CSMD1: variants seen among roughly 807,000 people sequenced by gnomAD.
CSMD1 encodes CUB and sushi domain-containing protein 1.
Under a neutral mutation model 417.5 loss-of-function variants are expected in CSMD1, and 213 were observed. The observed-to-expected ratio is 0.51, with a 90% CI of 0.46 to 0.57. CSMD1 has a LOEUF of 0.57. Among genes scored for constraint, CSMD1 ranks in the 20% least tolerant of loss-of-function variants. CSMD1 has a pLI of 0.00. For synonymous variants in CSMD1, 2,862 were observed against 1,736.8 expected (o/e 1.65, Z -16.11); for missense variants, 6,923 against 4,529.7 (o/e 1.53, Z -15.17).
intron 2 of CSMD1, among the ~76,000 whole-genome samples, chr8:4,474,697 G>C (rs1318201038): frequency 6.6e-6 from 1 of 152,074 alleles, no homozygotes; most frequent in African/African-American, 2.4e-5. Flanking sequence ...CAACTGAGCA[G>C]TTTACTCCCA....
intron 3 of CSMD1, among the ~76,000 whole-genome samples, chr8:4,297,186 G>C (rs1280831213): frequency 6.6e-6 from 1 of 152,042 alleles, no homozygotes; most frequent in Non-Finnish European, 1.5e-5. Flanking sequence ...TTACAATCTA[G>C]AAATGTATTT....
intron 5 of CSMD1, among the ~76,000 whole-genome samples, chr8:3,979,613 TAA>T (rs780064546): frequency 6.6e-6 from 1 of 152,066 alleles, no homozygotes; most frequent in Non-Finnish European, 1.5e-5. Flanking sequence ...GATGAGATTA[TAA>T]AAAGAGGAAG....
At chr8:4,944,630 A>G (rs1264056881) in intron 1 of CSMD1, among the ~76,000 whole-genome samples, 1 of 152,244 alleles carries the variant, frequency 6.6e-6, no homozygotes, top group Non-Finnish European at 1.5e-5. Context: ...CGGACTGGCC[A>G]ACAAGCATAT....
At chr8:3,518,528 A>G (rs1278456491) in intron 10 of CSMD1, among the ~76,000 whole-genome samples, 5 of 152,236 alleles carry the variant, frequency 3.3e-5, no homozygotes, top group South Asian at 2.1e-4. Flanking sequence ...AAAATGATCA[A>G]TGATTGCCAT....
intron 33 of CSMD1, among the ~76,000 whole-genome samples, chr8:3,195,982 T>C (rs995049873): frequency 6.6e-6 from 1 of 152,088 alleles, no homozygotes; most frequent in African/African-American, 2.4e-5. Context: ...GCTAAATTCA[T>C]AGGAGGTCAG....
At chr8:4,048,195 G>A (rs776978791) in intron 3 of CSMD1, among the ~76,000 whole-genome samples, 16 of 152,130 alleles carry the variant, frequency 1.1e-4, no homozygotes, top group African/African-American at 3.6e-4. Flanking sequence ...CTGTATGGAT[G>A]TTTTCATATT....
intron 3 of CSMD1, among the ~76,000 whole-genome samples, chr8:4,179,290 T>C (rs1034909420): frequency 6.6e-6 from 1 of 152,180 alleles, no homozygotes; most frequent in Non-Finnish European, 1.5e-5. Context: ...TACAACTATC[T>C]GATCTTTGAC....
chr8:3,986,818 C>A (rs558570751), intron 5 of CSMD1, among the ~76,000 whole-genome samples: 2 of 151,972 alleles, frequency 1.3e-5, no homozygotes, highest in Non-Finnish European at 2.9e-5. Context: ...TGCAGTGATG[C>A]GATCTCGGCT....
At chr8:4,991,464 A>G (rs1210875392) in intron 1 of CSMD1, among the ~76,000 whole-genome samples, 1 of 152,166 alleles carries the variant, frequency 6.6e-6, no homozygotes, top group African/African-American at 2.4e-5. Context: ...CTCCAGCCTC[A>G]CGACTCCGCA....
At chr8:4,744,220 G>C (rs1006934963) in intron 1 of CSMD1, among the ~76,000 whole-genome samples, 2 of 151,896 alleles carry the variant, frequency 1.3e-5, no homozygotes, top group South Asian at 4.2e-4. Flanking sequence ...TGCAGGCTCG[G>C]GGGGCACAGG....
At chr8:3,229,683 G>C (rs1563164093) in intron 27 of CSMD1, among the ~76,000 whole-genome samples, 1 of 152,104 alleles carries the variant, frequency 6.6e-6, no homozygotes, top group Non-Finnish European at 1.5e-5. Context: ...TTTTGCTTAA[G>C]GGCATGTTTC....
intron 52 of CSMD1, among the ~76,000 whole-genome samples, chr8:3,017,647 T>A (rs1277165666): frequency 2.0e-5 from 3 of 152,038 alleles, no homozygotes; most frequent in Admixed American, 6.6e-5. Flanking sequence ...CTAGGGTTAC[T>A]ACTGTCCTTT....
At chr8:3,924,264 A>G (rs548463772) in intron 5 of CSMD1, among the ~76,000 whole-genome samples, 59 of 152,206 alleles carry the variant, frequency 3.9e-4, no homozygotes, top group African/African-American at 1.3e-3. Context: ...GGGATACCTT[A>G]TATGTTGTAA....
chr8:4,991,014 G>T (rs886876177), intron 1 of CSMD1, among the ~76,000 whole-genome samples: 1 of 152,118 alleles, frequency 6.6e-6, no homozygotes, highest in Admixed American at 6.5e-5. Flanking sequence ...AAATGAGGCT[G>T]CTCTGGCGTA....
chr8:4,422,827 C>T (rs561714897), intron 2 of CSMD1, among the ~76,000 whole-genome samples: 6 of 152,138 alleles, frequency 3.9e-5, no homozygotes, highest in Non-Finnish European at 7.4e-5. Context: ...GAATTATACA[C>T]GATGATCAAA....
chr8:4,915,797 G>T (rs1447989940), intron 1 of CSMD1, among the ~76,000 whole-genome samples: 1 of 152,338 alleles, frequency 6.6e-6, no homozygotes, highest in African/African-American at 2.4e-5. Flanking sequence ...TTGATGCATA[G>T]AATACTTGGC....
At chr8:3,506,145 A>C (rs921115938) in intron 10 of CSMD1, among the ~76,000 whole-genome samples, 1 of 152,106 alleles carries the variant, frequency 6.6e-6, no homozygotes, top group Non-Finnish European at 1.5e-5. Context: ...CCAGCAGAGG[A>C]AGTGCCAGGG....
chr8:3,682,292 T>A lies in CSMD1; in HGVS notation c.1009+26122A>T, dbSNP rs1300916350. ...GGATAAAATTTTTGCAATCTACTCA[T>A]CTGACAAAGGGCTAATATCCAGAAT... On this transcript the variant is annotated intron_variant, in intron 7 of 69. Transcript: ENST00000635120. Among the ~76,000 whole-genome samples the A allele has an allele frequency of 2.6e-5, 4 of 152,126 alleles. No individual in the cohort carries two copies. The East Asian group carries it at 7.7e-4, about 29-fold the overall frequency.
chr8:4,279,277 T>A (rs899390446), intron 3 of CSMD1, among the ~76,000 whole-genome samples: 4 of 152,128 alleles, frequency 2.6e-5, no homozygotes, highest in African/African-American at 9.7e-5. Flanking sequence ...TTATATTTAG[T>A]GTAAAAAGCC....
Sources: allele counts gnomAD v4.1 joint callset (sites outside exome capture counted in the v4.1 genomes callset), GRCh38; gene constraint gnomAD v4.1.1; transcripts MANE v1.5; gene names NCBI Gene and HGNC (gene_info 2026-07-23, HGNC 2026-07-21).